TRPC3: variants seen among roughly 807,000 people sequenced by gnomAD.
The protein encoded by TRPC3 is short transient receptor potential channel 3.
A neutral mutation model predicts 90.9 loss-of-function variants in TRPC3; 54 were observed. The observed-to-expected ratio is 0.59, with a 90% CI of 0.48 to 0.75. TRPC3 has a LOEUF of 0.75. TRPC3 is among the 30% of genes least tolerant of loss of function. The probability of loss-of-function intolerance (pLI) is 0.00; values close to 1 mark genes in which losing one functional copy is unlikely to be tolerated. For synonymous variants in TRPC3, 424 were observed against 450.9 expected, an observed-to-expected ratio of 0.94 and a Z score of 0.75; for missense variants, 918 against 1,194.5, an observed-to-expected ratio of 0.77 and a Z score of 3.41.
At chr4:121,921,908 GGTTTTTTTTT>G (rs1248262993) in intron 3 of TRPC3, among the ~76,000 whole-genome samples, 1 of 142,160 alleles carries the variant, frequency 7.0e-6, no homozygotes, top group Non-Finnish European at 1.5e-5. Context: ...TTGTTTTTTG[GGTTTTTTTTT>G]GTTTTTTTTT....
chr4:121,932,201 G>C lies in TRPC3; in HGVS notation c.987+70C>G. 3 of 1,569,522 alleles carry C rather than the reference G, an allele frequency of 1.9e-6. No individual in the cohort carries two copies. The highest frequency in any genetic ancestry group is 2.6e-6 in the Non-Finnish European group (3 of 1,156,468). Reference sequence around the variant, plus strand: ...ACCGAATGTGGAGCGAACGGTGGCAGAGCAGGCCAGGCAGCAGCGGGGAAG... The same window carrying C: ...ACCGAATGTGGAGCGAACGGTGGCACAGCAGGCCAGGCAGCAGCGGGGAAG... On this transcript the variant is annotated intron_variant, in intron 2 of 11. Coordinates refer to ENST00000379645, the MANE Select transcript of TRPC3 (RefSeq NM_001130698.2). This position sits in a 1 kb window ranked among gnomAD's most constrained non-coding sequence, Gnocchi z 7.7.
intron 3 of TRPC3, among the ~76,000 whole-genome samples, chr4:121,922,143 C>T (rs112534580): frequency 0.02 from 2,971 of 151,854 alleles, 47 homozygotes; most frequent in Middle Eastern, 0.072. Flanking sequence ...AGGATGGTCT[C>T]GATCTCCTGA....
At chr4:121,938,932 G>A (rs970965501) in intron 1 of TRPC3, among the ~76,000 whole-genome samples, 1 of 151,824 alleles carries the variant, frequency 6.6e-6, no homozygotes, top group Non-Finnish European at 1.5e-5. Flanking sequence ...TGACTTTCAG[G>A]GATGGTGACA....
chr4:121,910,102 G>A (rs374788554), intron 6 of TRPC3, 52 bp downstream of exon 6: 10 of 1,428,372 alleles, frequency 7.0e-6, no homozygotes, highest in African/African-American at 1.4e-5. Flanking sequence ...TCCAAAATGT[G>A]GTTCCAATAC....
intron 3 of TRPC3, among the ~76,000 whole-genome samples, chr4:121,921,703 G>T (rs1472530753): frequency 6.6e-6 from 1 of 151,950 alleles, no homozygotes; most frequent in Non-Finnish European, 1.5e-5. Context: ...AATCCCAATG[G>T]CTTGCATATG....
chr4:121,923,403 C>T (rs1025257586), intron 3 of TRPC3, among the ~76,000 whole-genome samples: 2 of 152,172 alleles, frequency 1.3e-5, no homozygotes, highest in African/African-American at 4.8e-5. Flanking sequence ...TAAATTCCTT[C>T]CTGCCTAAAT....
intron 6 of TRPC3, among the ~76,000 whole-genome samples, chr4:121,909,616 T>A (rs1361232110): frequency 6.6e-6 from 1 of 152,128 alleles, no homozygotes; most frequent in Non-Finnish European, 1.5e-5. Context: ...CCCCATTCCA[T>A]GCCATGTGAA....
intron 3 of TRPC3, 100 bp from the exon 4 acceptor site, chr4:121,915,044 T>C: frequency 9.8e-7 from 1 of 1,024,810 alleles, no homozygotes; most frequent in Non-Finnish European, 1.3e-6. Context: ...CTAAAGATAT[T>C]AAAGCATATT....
intron 3 of TRPC3, among the ~76,000 whole-genome samples, chr4:121,921,470 C>A (rs1031951963): frequency 3.0e-5 from 4 of 135,550 alleles, no homozygotes; most frequent in Non-Finnish European, 6.1e-5. Context: ...TGCAGTGAGC[C>A]GAGATCGCGC....
intron 1 of TRPC3, among the ~76,000 whole-genome samples, chr4:121,940,911 A>G (rs942942473): frequency 6.6e-6 from 1 of 152,132 alleles, no homozygotes. Context: ...ACCTAATACA[A>G]TGTAGTATAT....
At chr4:121,895,393 A>G (rs945225962) in intron 10 of TRPC3, among the ~76,000 whole-genome samples, 1 of 152,146 alleles carries the variant, frequency 6.6e-6, no homozygotes, top group Non-Finnish European at 1.5e-5. Flanking sequence ...AAAATCAACA[A>G]AACAAAGTTT....
In TRPC3 at chr4:121,894,555, G is replaced by GGTT. The variant is rs774682460; in HGVS notation, c.2547+5056_2547+5057insAAC. ...CCAACAGCTGGAAAGTACACATTCT[G>GGTT]TTTTTTTTTTTTTTTTTTTTTTTTT... On this transcript the variant is annotated intron_variant, in intron 10 of 11. Coordinates refer to ENST00000379645, the MANE Select transcript of TRPC3 (RefSeq NM_001130698.2). 6.3e-5 allele frequency among the ~76,000 whole-genome samples: 4 copies of GGTT among 63,370 alleles called. 1 individual carries two copies. Among genetic ancestry groups the GGTT allele is most frequent in the African/African-American group, 6.4e-5 (1 of 15,616 alleles). The allele number at this position is 63,370 out of a possible 152,430, so 41.6% of individuals were successfully genotyped here. A position where few individuals can be genotyped will look rare whatever the true frequency, so the allele number is the denominator to read the frequency against.
Position 121,879,894 on chromosome 4 carries a change from T to TA in TRPC3, c.2624-17dup, listed in dbSNP as rs530449564. The TA allele has an allele frequency of 2.2e-4, 336 of 1,517,882 alleles. No individual in the cohort carries two copies. The African/African-American group carries it at 4.4e-3, about 20-fold the overall frequency. 94.0% of individuals were successfully genotyped at this position (1,517,882 alleles called of 1,614,324 possible). ...TTTAATTCACCTATAGTATTGATAT[T>TA]AAAAAATTATTGGTAAGTTGCTCTT... On this transcript the variant is annotated splice_polypyrimidine_tract_variant and intron_variant, in intron 11 of 11. Transcript: ENST00000379645.
rs1041057448 is a variant in TRPC3, at chr4:121,910,366, T to C, written c.1580A>G (p.Lys527Arg). Residue 527 changes from lysine to arginine, a missense_variant, in exon 6 of 12, where the codon AAA becomes AGA. Lys to Arg is a conservative substitution (Grantham distance 26, BLOSUM62 2). This residue lies in a region of TRPC3 where 609 missense variants were observed against 725.9 expected (regional missense o/e 0.84). Transcript: ENST00000379645. ...CCTAGGTCCTTCCAGCCAGAGCTCTTTACATTCAGACCACATCATTCCTGT... is the reference window on the plus strand; with the variant it reads ...CCTAGGTCCTTCCAGCCAGAGCTCTCTACATTCAGACCACATCATTCCTGT... ...WVLGMMWSEC[K>R]ELWLEGPREY... The C allele has an allele frequency of 4.3e-6, 7 of 1,613,416 alleles. No homozygotes were observed. Among genetic ancestry groups the C allele is most frequent in the Non-Finnish European group, 4.2e-6 (5 of 1,179,620 alleles).
At position 121,899,782 on chromosome 4, in the gene TRPC3, T is replaced by G. The variant is rs1728642381; in HGVS notation, c.2464-87A>C. 8.7e-6 allele frequency: 9 copies of G among 1,036,182 alleles called. No individual in the cohort carries two copies. The South Asian group carries it at 1.3e-4, about 15-fold the overall frequency. The allele number at this position is 1,036,182 out of a possible 1,614,324, so 64.2% of individuals were successfully genotyped here. On this transcript the variant is annotated intron_variant, in intron 9 of 11. Transcript: ENST00000379645. ...ATCCATTTATTCTCCTTGATAACAT[T>G]TCTGGAGTCAACATTCCCAAGAAAC...
At chr4:121,885,508 T>C (rs1015175550) in intron 10 of TRPC3, among the ~76,000 whole-genome samples, 1 of 152,172 alleles carries the variant, frequency 6.6e-6, no homozygotes, top group African/African-American at 2.4e-5. Context: ...TCTTAATCTG[T>C]GTAATGGAAA....
At chr4:121,950,921 C>T (rs1730704448) in intron 1 of TRPC3, 1 of 152,354 alleles carries the variant, frequency 6.6e-6, no homozygotes, top group Admixed American at 6.5e-5. Flanking sequence ...CGCACTGTCC[C>T]CTCCCTACTC....
At chr4:121,906,278 G>A (rs567890562) in intron 7 of TRPC3, among the ~76,000 whole-genome samples, 2 of 152,220 alleles carry the variant, frequency 1.3e-5, no homozygotes, top group South Asian at 4.1e-4. Flanking sequence ...TTCAGCCTAT[G>A]TCCTTTCTAC....
intron 3 of TRPC3, among the ~76,000 whole-genome samples, chr4:121,922,362 TAC>T (rs1350879044): frequency 1.3e-5 from 2 of 152,216 alleles, no homozygotes; most frequent in African/African-American, 4.8e-5. Flanking sequence ...AATTCTTACA[TAC>T]AGTTATTGAG....
Sources: gnomAD v4.1 joint callset for allele counts (sites outside exome capture counted in the v4.1 genomes callset) on GRCh38, gnomAD v4.1.1 for gene constraint, gnomAD v4.1.1 regional missense constraint, Gnocchi (gnomAD v3.1) non-coding constraint, MANE v1.5 for transcripts, NCBI Gene and HGNC (gene_info 2026-07-23, HGNC 2026-07-21) for gene names.